Variants in DOCK8 observed in about 807,000 individuals in gnomAD.
The protein encoded by DOCK8 is dedicator of cytokinesis 8.
A neutral mutation model predicts 245.6 loss-of-function variants in DOCK8; 141 were observed. That is an observed-to-expected ratio of 0.57 (90% CI 0.50 to 0.66). The LOEUF (loss-of-function observed/expected upper bound fraction) is 0.66. Among genes scored for constraint, DOCK8 ranks in the 30% least tolerant of loss-of-function variants. The pLI, the probability that DOCK8 is intolerant of heterozygous loss-of-function variation, is 0.00. For synonymous variants in DOCK8, 1,168 were observed against 970.2 expected, an observed-to-expected ratio of 1.20 and a Z score of -3.79; for missense variants, 2,965 against 2,603.4, an observed-to-expected ratio of 1.14 and a Z score of -3.02.
intron 23 of DOCK8, among the ~76,000 whole-genome samples, chr9:386,910 G>T (rs527740788): frequency 5.9e-4 from 90 of 152,298 alleles, no homozygotes; most frequent in African/African-American, 2.1e-3. Context: ...AATATGAAAT[G>T]CTTCCTCATA....
chr9:393,920 T>G (rs1192693167), intron 24 of DOCK8, among the ~76,000 whole-genome samples: 2 of 152,066 alleles, frequency 1.3e-5, no homozygotes, highest in Non-Finnish European at 2.9e-5. Context: ...GCCCCCAGGG[T>G]ACAGCAGCTG....
Position 399,003 on chromosome 9 carries a change from A to G in DOCK8, c.3121-143A>G, listed in dbSNP as rs1331422557. 2.2e-5 allele frequency: 16 copies of G among 718,272 alleles called. No individual in the cohort carries two copies. The East Asian group carries it at 4.3e-4, about 19-fold the overall frequency. The allele number at this position is 718,272 out of a possible 1,614,324, so 44.5% of individuals were successfully genotyped here. A position where few individuals can be genotyped will look rare whatever the true frequency, so the allele number is the denominator to read the frequency against. ...ACAGTCATGGCTTTAGTTAAAGGAG[A>G]CTCAACTACTTCGCCCAGTGCCACC... is the stretch of plus-strand genomic sequence containing the variant. On this transcript the variant is annotated intron_variant, in intron 25 of 47. Transcript: ENST00000432829.
intron 40 of DOCK8, among the ~76,000 whole-genome samples, chr9:440,772 C>T (rs1440929596): frequency 6.6e-6 from 1 of 152,060 alleles, no homozygotes; most frequent in African/African-American, 2.4e-5. Flanking sequence ...AGCGTCTTGC[C>T]TTGTCACCCA....
intron 9 of DOCK8, among the ~76,000 whole-genome samples, chr9:329,430 T>G (rs1217679788): frequency 6.6e-6 from 1 of 152,152 alleles, no homozygotes; most frequent in African/African-American, 2.4e-5. Flanking sequence ...ACTTAACAGA[T>G]GGCAAATGTC....
intron 28 of DOCK8, among the ~76,000 whole-genome samples, chr9:411,666 G>A (rs1396460674): frequency 6.6e-6 from 1 of 152,058 alleles, no homozygotes; most frequent in African/African-American, 2.4e-5. Flanking sequence ...GCCAGTATCT[G>A]ATGAATATAG....
chr9:452,028 C>T lies in DOCK8; in HGVS notation c.5979C>T (p.Ala1993=). 1.3e-6 allele frequency: 2 copies of T among 1,577,006 alleles called. No individual in the cohort carries two copies. Among genetic ancestry groups the T allele is most frequent in the Non-Finnish European group, 8.6e-7 (1 of 1,162,908 alleles). ...CCCACCAGGGACCACTGGAAGTAGCCCAAGTGTTTTTGGCTGAAATTCCTG... is the reference window on the plus strand; with the variant it reads ...CCCACCAGGGACCACTGGAAGTAGCTCAAGTGTTTTTGGCTGAAATTCCTG... ...ATVNQGPLEV[A]QVFLAEIPAD... is the part of the protein sequence containing the mutation. Residue 1993 remains alanine, a synonymous_variant, in exon 46 of 48, where the codon GCC becomes GCT. Coordinates refer to ENST00000432829, the MANE Select transcript of DOCK8 (RefSeq NM_203447.4).
At chr9:397,983 A>C (rs1401144422) in intron 25 of DOCK8, among the ~76,000 whole-genome samples, 1 of 152,248 alleles carries the variant, frequency 6.6e-6, no homozygotes, top group Non-Finnish European at 1.5e-5. Context: ...AAATGTTTAA[A>C]AGGCAGCTAC....
At chr9:404,797 A>G (rs2055336786) in intron 26 of DOCK8, 121 bp from the exon 27 acceptor site, 6 of 1,018,882 alleles carry the variant, frequency 5.9e-6, no homozygotes, top group South Asian at 5.4e-5. Flanking sequence ...GCACTATCCC[A>G]TTAGTTTTTA....
chr9:462,234 G>C (rs1172177501), intron 46 of DOCK8, among the ~76,000 whole-genome samples: 1 of 152,120 alleles, frequency 6.6e-6, no homozygotes, highest in African/African-American at 2.4e-5. Flanking sequence ...TGTTGGTTTG[G>C]CTGAATCCTA....
At chr9:333,701 AT>A (rs1014928281) in intron 10 of DOCK8, among the ~76,000 whole-genome samples, 50 of 111,902 alleles carry the variant, frequency 4.5e-4, no homozygotes, top group African/African-American at 1.8e-3. Context: ...AACTCAAGGC[AT>A]TTTTTTTTTA....
intron 12 of DOCK8, among the ~76,000 whole-genome samples, chr9:338,151 C>T (rs186441528): frequency 1.4e-5 from 2 of 142,990 alleles, no homozygotes; most frequent in Admixed American, 1.4e-4. Context: ...GAGGCTCCAT[C>T]TCAGAAAAGA....
intron 14 of DOCK8, chr9:366,179 CT>C (rs1243965687): frequency 6.4e-6 from 1 of 155,370 alleles, no homozygotes; most frequent in Non-Finnish European, 1.4e-5. Context: ...GGCCTGTCAT[CT>C]ACTCTTCTGG....
intron 14 of DOCK8, among the ~76,000 whole-genome samples, chr9:359,968 A>G (rs1056027891): frequency 1.3e-5 from 2 of 152,168 alleles, no homozygotes; most frequent in Non-Finnish European, 2.9e-5. Flanking sequence ...TCAGAATTGC[A>G]TGTTGCTAGT....
At chr9:311,049 G>A (rs1228864894) in intron 5 of DOCK8, among the ~76,000 whole-genome samples, 1 of 152,086 alleles carries the variant, frequency 6.6e-6, no homozygotes, top group Non-Finnish European at 1.5e-5. Flanking sequence ...ACTTTGGGAG[G>A]TTGATGGCGG....
chr9:397,813 T>C (rs2054536040), intron 25 of DOCK8, among the ~76,000 whole-genome samples: 1 of 152,234 alleles, frequency 6.6e-6, no homozygotes, highest in South Asian at 2.1e-4. Flanking sequence ...AAAATGTTTT[T>C]ATGTTCATAG....
chr9:324,752 C>T (rs34755173), intron 7 of DOCK8, among the ~76,000 whole-genome samples: 20,534 of 152,130 alleles, frequency 0.13, 1,482 homozygotes, highest in Non-Finnish European at 0.16. Context: ...TAAGGAAAAG[C>T]AATTGAACTT....
intron 6 of DOCK8, among the ~76,000 whole-genome samples, chr9:313,798 A>G (rs1465273260): frequency 6.6e-6 from 1 of 152,230 alleles, no homozygotes; most frequent in Non-Finnish European, 1.5e-5. Context: ...GAGGTGATAG[A>G]TATGTTAATT....
intron 3 of DOCK8, among the ~76,000 whole-genome samples, chr9:289,114 C>T (rs1013475167): frequency 7.2e-5 from 11 of 152,142 alleles, no homozygotes; most frequent in East Asian, 1.9e-4. Flanking sequence ...GGAGAACACG[C>T]GTGTCCTAAC....
chr9:428,114 C>T (rs1436825404), intron 34 of DOCK8, among the ~76,000 whole-genome samples: 2 of 152,170 alleles, frequency 1.3e-5, no homozygotes, highest in East Asian at 1.9e-4. Context: ...GGAGATGGGC[C>T]TTATACCTTC....
Sources: allele counts gnomAD v4.1 joint callset (sites outside exome capture counted in the v4.1 genomes callset), GRCh38; gene constraint gnomAD v4.1.1; transcripts MANE v1.5; gene names NCBI Gene and HGNC (gene_info 2026-07-23, HGNC 2026-07-21).